FNBP1L: variants seen among roughly 807,000 people sequenced by gnomAD.
FNBP1L encodes formin binding protein 1 like, also known as formin-binding protein 1-like.
FNBP1L carries 36 observed loss-of-function variants against 91.2 expected under a neutral mutation model. The observed-to-expected ratio is 0.39, with a 90% confidence interval of 0.30 to 0.52. The LOEUF (loss-of-function observed/expected upper bound fraction) is 0.52, where lower values mean the gene tolerates loss of function less well. FNBP1L is among the 20% of genes least tolerant of loss of function. FNBP1L has a pLI of 0.66. For missense variants in FNBP1L, 571 were observed against 732.1 expected, an observed-to-expected ratio of 0.78 and a Z score of 2.54; for synonymous variants, 242 against 237.0, an observed-to-expected ratio of 1.02 and a Z score of -0.19.
chr1:93,511,071 C>G (rs1316530250), intron 2 of FNBP1L, among the ~76,000 whole-genome samples: 1 of 152,104 alleles, frequency 6.6e-6, no homozygotes, highest in African/African-American at 2.4e-5. Context: ...TCTAGCAAGG[C>G]AGGCCAACAT....
At chr1:93,513,675 A>T (rs960689308) in intron 2 of FNBP1L, among the ~76,000 whole-genome samples, 7 of 152,218 alleles carry the variant, frequency 4.6e-5, no homozygotes, top group African/African-American at 1.7e-4. Context: ...AAACCACATG[A>T]TTATCTCAAT....
intron 2 of FNBP1L, among the ~76,000 whole-genome samples, chr1:93,516,326 C>A (rs563146280): frequency 6.6e-5 from 10 of 152,280 alleles, no homozygotes; most frequent in Admixed American, 3.3e-4. Flanking sequence ...CAGTCAAATG[C>A]TCTACCACCT....
At chr1:93,543,967 C>T (rs543315032) in intron 11 of FNBP1L, 140 bp from the exon 12 acceptor site, 50 of 460,364 alleles carry the variant, frequency 1.1e-4, no homozygotes, top group African/African-American at 7.5e-4. Flanking sequence ...GTGTAGATTT[C>T]TTTTTTTTTT....
Position 93,547,517 on chromosome 1 carries a change from C to T in FNBP1L, c.1502+76C>T, listed in dbSNP as rs986960875. 3.6e-5 allele frequency: 45 copies of T among 1,250,768 alleles called. No homozygotes were observed. In the South Asian group the frequency reaches 4.4e-4, roughly 12 times the overall value. 77.5% of individuals were successfully genotyped at this position (1,250,768 alleles called of 1,614,324 possible). A position where few individuals can be genotyped will look rare whatever the true frequency, so the allele number is the denominator to read the frequency against. ...CTTTTGTCCTAAACTTTATACAATT[C>T]GTTTTTTTCTTCCAAATTTAACAAG... On this transcript the variant is annotated intron_variant, in intron 14 of 16. Coordinates refer to ENST00000271234, the MANE Select transcript of FNBP1L (RefSeq NM_001164473.3).
intron 1 of FNBP1L, among the ~76,000 whole-genome samples, chr1:93,475,362 G>C (rs1669455473): frequency 1.3e-5 from 2 of 152,110 alleles, no homozygotes; most frequent in Non-Finnish European, 2.9e-5. Context: ...GCAACGTAGA[G>C]AGACACCTTC....
At chr1:93,448,734 G>A (rs1470372443) in intron 1 of FNBP1L, among the ~76,000 whole-genome samples, 3 of 152,160 alleles carry the variant, frequency 2.0e-5, no homozygotes, top group Non-Finnish European at 4.4e-5. Context: ...CTGTTCGAGG[G>A]CGGGGAGGGG....
intron 1 of FNBP1L, among the ~76,000 whole-genome samples, chr1:93,477,245 G>A (rs183461695): frequency 3.3e-5 from 5 of 152,344 alleles, no homozygotes; most frequent in Non-Finnish European, 7.4e-5. Flanking sequence ...ATACAGGGTA[G>A]TAGATGGCTA....
At chr1:93,511,965 CAAAAAAA>C (rs34752421) in intron 2 of FNBP1L, among the ~76,000 whole-genome samples, 2 of 66,286 alleles carry the variant, frequency 3.0e-5, no homozygotes, top group African/African-American at 5.7e-5. Flanking sequence ...GACTCCGTCT[CAAAAAAA>C]AAAAAAAAAA....
intron 12 of FNBP1L, among the ~76,000 whole-genome samples, chr1:93,545,611 G>A (rs1371637553): frequency 6.6e-6 from 1 of 152,126 alleles, no homozygotes; most frequent in Non-Finnish European, 1.5e-5. Flanking sequence ...GAGAGAAGGG[G>A]TAACATTATT....
intron 1 of FNBP1L, among the ~76,000 whole-genome samples, chr1:93,484,491 T>C (rs1188106421): frequency 1.3e-5 from 2 of 152,148 alleles, no homozygotes; most frequent in African/African-American, 4.8e-5. Context: ...ATGTTAAAAA[T>C]ATGAGTGCCT....
At chr1:93,480,698 G>T (rs772563489) in intron 1 of FNBP1L, among the ~76,000 whole-genome samples, 1 of 151,734 alleles carries the variant, frequency 6.6e-6, no homozygotes, top group African/African-American at 2.4e-5. Flanking sequence ...CCATTCTCCT[G>T]CCTAGAGGTG....
At chr1:93,449,366 C>T (rs1398987798) in intron 1 of FNBP1L, among the ~76,000 whole-genome samples, 1 of 152,138 alleles carries the variant, frequency 6.6e-6, no homozygotes, top group Non-Finnish European at 1.5e-5. Flanking sequence ...CAGCCACTCC[C>T]CTTTTTATTC....
At chr1:93,485,689 A>G (rs1669873036) in intron 1 of FNBP1L, among the ~76,000 whole-genome samples, 1 of 152,088 alleles carries the variant, frequency 6.6e-6, no homozygotes, top group Non-Finnish European at 1.5e-5. Context: ...TGTTAAATGC[A>G]TTATTTATAT....
Position 93,499,575 on chromosome 1 carries a change from A to G in FNBP1L, c.132A>G (p.Lys44=). 1 of 1,563,534 alleles carries G rather than the reference A, an allele frequency of 6.4e-7. No homozygotes were observed. Among genetic ancestry groups the G allele is most frequent in the Non-Finnish European group, 8.6e-7 (1 of 1,156,674 alleles). The change falls in exon 2 of 17, where the codon AAA becomes AAG. Residue 44 remains lysine, a synonymous_variant. Coordinates refer to ENST00000271234, the MANE Select transcript of FNBP1L (RefSeq NM_001164473.3). ...ERIEIEQNYA[K]QLRNLVKKYC... Reference sequence around the variant, plus strand: ...TAGAAATTGAACAGAACTATGCGAAACAATTGAGGTAAGTTAATTTTTTTT... The same window carrying G: ...TAGAAATTGAACAGAACTATGCGAAGCAATTGAGGTAAGTTAATTTTTTTT...
intron 2 of FNBP1L, among the ~76,000 whole-genome samples, chr1:93,506,610 A>T (rs1392252814): frequency 2.0e-5 from 3 of 152,212 alleles, no homozygotes. Flanking sequence ...ATTCCATTTT[A>T]TAAATAGGAT....
At chr1:93,468,876 G>T (rs975833717) in intron 1 of FNBP1L, among the ~76,000 whole-genome samples, 2 of 152,182 alleles carry the variant, frequency 1.3e-5, no homozygotes, top group African/African-American at 4.8e-5. Flanking sequence ...CACCAGGAAT[G>T]TGTGAGAGTC....
chr1:93,478,524 C>CA (rs1167493107), intron 1 of FNBP1L, among the ~76,000 whole-genome samples: 1 of 152,102 alleles, frequency 6.6e-6, no homozygotes, highest in African/African-American at 2.4e-5. Flanking sequence ...GAGAGGGGGG[C>CA]AGTCCATGCA....
chr1:93,518,277 AAGTT>A (rs769561653), intron 2 of FNBP1L, among the ~76,000 whole-genome samples: 1 of 152,160 alleles, frequency 6.6e-6, no homozygotes, highest in Non-Finnish European at 1.5e-5. Flanking sequence ...CTCAGTGATG[AAGTT>A]AGGGCATTTT....
intron 1 of FNBP1L, among the ~76,000 whole-genome samples, chr1:93,472,511 T>C (rs1669322146): frequency 6.6e-6 from 1 of 151,250 alleles, no homozygotes; most frequent in African/African-American, 2.4e-5. Context: ...TGCAGAGAGA[T>C]TATTAAAAAA....
Sources: allele counts gnomAD v4.1 joint callset (sites outside exome capture counted in the v4.1 genomes callset), GRCh38; gene constraint gnomAD v4.1.1; transcripts MANE v1.5; gene names NCBI Gene and HGNC (gene_info 2026-07-23, HGNC 2026-07-21).